Variants in BCAS3 observed in about 807,000 individuals in gnomAD.
BCAS3 encodes the protein BCAS3 microtubule associated cell migration factor, also known as BCAS4/BCAS3 fusion.
BCAS3 carries 53 observed loss-of-function variants against 116.1 expected under a neutral mutation model. The observed-to-expected ratio is 0.46, with a 90% confidence interval of 0.37 to 0.57. The LOEUF is 0.57. BCAS3 is among the 20% of genes least tolerant of loss of function. BCAS3 has a pLI of 0.00. For synonymous variants in BCAS3, 391 were observed against 408.2 expected (o/e 0.96, Z 0.51); for missense variants, 917 against 1,165.4 (o/e 0.79, Z 3.10).
At position 61,286,750 on chromosome 17, in the gene BCAS3, A is replaced by G. The variant is rs1332137824; in HGVS notation, c.2426-81577A>G. Among the ~76,000 whole-genome samples the G allele has an allele frequency of 6.6e-6, 1 of 152,204 alleles. No individual in the cohort carries two copies. The highest frequency in any genetic ancestry group is 1.5e-5 in the Non-Finnish European group (1 of 68,040). ...ATATGTTTGGTCTCTAAACTCTGCC[A>G]CGGGCTTACCAGAGTGAGAAGTTAG... On this transcript the variant is annotated intron_variant, in intron 22 of 23. Transcript: ENST00000407086. This position sits in a 1 kb window ranked among gnomAD's most constrained non-coding sequence, Gnocchi z 4.8.
rs916381580 is a variant in BCAS3, at chr17:61,256,222, C to G, written c.2426-112105C>G. Among the ~76,000 whole-genome samples, 2 of 152,112 alleles carry G rather than the reference C, an allele frequency of 1.3e-5. No homozygotes were observed. The highest frequency in any genetic ancestry group is 4.8e-5 in the African/African-American group (2 of 41,426). The stretch of plus-strand genomic sequence containing the variant: ...AGACTACCTGGGGTTGTCAAGCCTT[C>G]CATCTTCAAGCCAAGAGGTAGTTTG... On this transcript the variant is annotated intron_variant, in intron 22 of 23. Transcript: ENST00000407086. The surrounding 1 kb of genome is among the most constrained non-coding windows in gnomAD (Gnocchi z 5.6).
intron 15 of BCAS3, chr17:61,002,420 AT>A (rs1377928700): frequency 6.6e-6 from 1 of 152,002 alleles, no homozygotes; most frequent in African/African-American, 2.4e-5. Context: ...AGATTTCAAA[AT>A]AGTTTTATTT....
chr17:60,743,242 T>C (rs936174845), intron 5 of BCAS3, among the ~76,000 whole-genome samples: 3 of 152,110 alleles, frequency 2.0e-5, no homozygotes, highest in Admixed American at 2.0e-4. Context: ...AAAGAAGCCA[T>C]TCCCAAGGGT....
intron 2 of BCAS3, among the ~76,000 whole-genome samples, chr17:60,683,268 T>C (rs753333077): frequency 2.0e-5 from 3 of 152,156 alleles, no homozygotes; most frequent in Non-Finnish European, 1.5e-5. Context: ...ATAGTTTTAC[T>C]TGCTCTAATT....
In BCAS3 at chr17:60,956,793, T is replaced by C. The variant is rs777569448; in HGVS notation, c.1221+9441T>C. On this transcript the variant is annotated intron_variant, in intron 14 of 23. Transcript: ENST00000407086. The surrounding 1 kb of genome is among the most constrained non-coding windows in gnomAD (Gnocchi z 4.2). ...ACCAGGACCTCAGTGACCACAAAAT[T>C]AATTTTATAAGGTTCTACAGAAAAT... is the stretch of plus-strand genomic sequence containing the variant. Among the ~76,000 whole-genome samples the C allele has an allele frequency of 3.3e-5, 5 of 152,144 alleles. No individual in the cohort carries two copies. The highest frequency in any genetic ancestry group is 5.9e-5 in the Non-Finnish European group (4 of 68,016).
Position 61,313,903 on chromosome 17 carries a change from G to A in BCAS3, c.2426-54424G>A, listed in dbSNP as rs868565402. On this transcript the variant is annotated intron_variant, in intron 22 of 23. Transcript: ENST00000407086. The surrounding 1 kb of genome is among the most constrained non-coding windows in gnomAD (Gnocchi z 4.3). The stretch of plus-strand genomic sequence containing the variant: ...GCTGTCTCCTCCACCAGCCCCACTC[G>A]CCCGGCCCCATACTTAGTGCTGGCT... Among the ~76,000 whole-genome samples, 2 of 152,266 alleles carry A rather than the reference G, an allele frequency of 1.3e-5. No individual in the cohort carries two copies. The highest frequency in any genetic ancestry group is 4.8e-5 in the African/African-American group (2 of 41,532).
Position 61,387,049 on chromosome 17 carries a change from A to C in BCAS3, c.2594-4928A>C, listed in dbSNP as rs2059893800. On this transcript the variant is annotated intron_variant, in intron 23 of 23. Coordinates refer to ENST00000407086, the MANE Select transcript of BCAS3 (RefSeq NM_017679.5). This position sits in a 1 kb window ranked among gnomAD's most constrained non-coding sequence, Gnocchi z 6.2. ...TTGGCTTCCCAAAGTGTGGGATTACAGGTGTGAGCCACTGCACCTGGCCCG... is the reference window on the plus strand; with the variant it reads ...TTGGCTTCCCAAAGTGTGGGATTACCGGTGTGAGCCACTGCACCTGGCCCG... 6.6e-6 allele frequency among the ~76,000 whole-genome samples: 1 copy of C among 152,162 alleles called. No individual in the cohort carries two copies. Among genetic ancestry groups the C allele is most frequent in the Non-Finnish European group, 1.5e-5 (1 of 68,024 alleles).
At chr17:60,735,353 C>T (rs968452477) in intron 5 of BCAS3, among the ~76,000 whole-genome samples, 1 of 151,966 alleles carries the variant, frequency 6.6e-6, no homozygotes, top group African/African-American at 2.4e-5. Flanking sequence ...GTTAAAAAAC[C>T]TGGTGAGAGG....
intron 22 of BCAS3, among the ~76,000 whole-genome samples, chr17:61,168,427 A>C (rs1254382385): frequency 1.3e-5 from 2 of 152,236 alleles, no homozygotes; most frequent in African/African-American, 4.8e-5. Flanking sequence ...AATGCAATCA[A>C]ATGAAAGCTA....
Position 61,380,713 on chromosome 17 carries a change from C to T in BCAS3, c.2594-11264C>T. 1.4e-6 allele frequency: 1 copy of T among 714,892 alleles called. No individual in the cohort carries two copies. Among genetic ancestry groups the T allele is most frequent in the Non-Finnish European group, 2.4e-6 (1 of 422,946 alleles). 44.3% of individuals were successfully genotyped at this position (714,892 alleles called of 1,614,324 possible). A position where few individuals can be genotyped will look rare whatever the true frequency, so the allele number is the denominator to read the frequency against. On this transcript the variant is annotated intron_variant, in intron 23 of 23. Transcript: ENST00000407086. This position sits in a 1 kb window ranked among gnomAD's most constrained non-coding sequence, Gnocchi z 4.2. The stretch of plus-strand genomic sequence containing the variant: ...GCAGGGGTCAGCTCAGATGGGAGGT[C>T]TCTTCTGGAAGGGGACTGGTTTGGG...
intron 14 of BCAS3, among the ~76,000 whole-genome samples, chr17:60,950,811 A>G (rs1336129110): frequency 6.6e-6 from 1 of 152,116 alleles, no homozygotes; most frequent in Non-Finnish European, 1.5e-5. Flanking sequence ...ATTTTTGTGT[A>G]TGTTTGGAAA....
chr17:61,266,192 T>C (rs2049692766), intron 22 of BCAS3, among the ~76,000 whole-genome samples: 1 of 152,214 alleles, frequency 6.6e-6, no homozygotes. Context: ...TTAGCAAATA[T>C]AGCCTTGTGC....
At chr17:60,854,168 G>A (rs1324889825) in intron 7 of BCAS3, among the ~76,000 whole-genome samples, 1 of 151,960 alleles carries the variant, frequency 6.6e-6, no homozygotes, top group East Asian at 1.9e-4. Context: ...CTGTCCTTGT[G>A]ATAGTTTGCT....
rs1200770138 is a variant in BCAS3 at position 60,956,735 on chromosome 17, G to C, written c.1221+9383G>C. 6.6e-6 allele frequency among the ~76,000 whole-genome samples: 1 copy of C among 152,126 alleles called. No homozygotes were observed. Among genetic ancestry groups the C allele is most frequent in the African/African-American group, 2.4e-5 (1 of 41,432 alleles). ...ATGATTATGCTCTAGAACACACTCT[G>C]TATGGGAGACTGGGAATTTCTAAAC... On this transcript the variant is annotated intron_variant, in intron 14 of 23. Transcript: ENST00000407086. The surrounding 1 kb of genome is among the most constrained non-coding windows in gnomAD (Gnocchi z 4.2).
Position 61,106,048 on chromosome 17 carries a change from C to T in BCAS3, c.2425+21484C>T, listed in dbSNP as rs533813127. 9.2e-5 allele frequency among the ~76,000 whole-genome samples: 14 copies of T among 152,266 alleles called. No individual in the cohort carries two copies. In the South Asian group the frequency reaches 2.1e-3, roughly 23 times the overall value. ...GGTCACTTGGCAGCCGTCTTGGTTG[C>T]AGTATTACAGTGCTTGTATTCAGGT... On this transcript the variant is annotated intron_variant, in intron 22 of 23. Transcript: ENST00000407086. This position sits in a 1 kb window ranked among gnomAD's most constrained non-coding sequence, Gnocchi z 4.2.
chr17:60,921,009 T>TG (rs1486287604), intron 12 of BCAS3, among the ~76,000 whole-genome samples: 1 of 152,216 alleles, frequency 6.6e-6, no homozygotes, highest in Non-Finnish European at 1.5e-5. Flanking sequence ...GAAAGCAGTT[T>TG]GGAGACTTCT....
At chr17:60,912,693 T>G (rs1406718704) in intron 12 of BCAS3, among the ~76,000 whole-genome samples, 1 of 152,174 alleles carries the variant, frequency 6.6e-6, no homozygotes, top group Non-Finnish European at 1.5e-5. Context: ...AAATGTTCTC[T>G]TTTTTAATTG....
chr17:60,852,840 C>T (rs2053298380), intron 7 of BCAS3, among the ~76,000 whole-genome samples: 1 of 152,186 alleles, frequency 6.6e-6, no homozygotes, highest in African/African-American at 2.4e-5. Context: ...TCATTTATTG[C>T]TAGTGGGACT....
chr17:61,069,734 A>G, intron 19 of BCAS3: 1 of 589,964 alleles, frequency 1.7e-6, no homozygotes, highest in South Asian at 2.0e-5. Flanking sequence ...GCTACTCAGG[A>G]GGCTGAGGTG....
Sources: allele counts gnomAD v4.1 joint callset (sites outside exome capture counted in the v4.1 genomes callset), GRCh38; gene constraint gnomAD v4.1.1; non-coding constraint Gnocchi (gnomAD v3.1); transcripts MANE v1.5; gene names NCBI Gene and HGNC (gene_info 2026-07-23, HGNC 2026-07-21).